Variants in TTC34 observed in about 807,000 individuals in gnomAD.
TTC34 encodes the protein tetratricopeptide repeat protein 34.
A neutral mutation model predicts 40.7 loss-of-function variants in TTC34; 44 were observed. That is an observed-to-expected ratio of 1.08 (90% CI 0.85 to 1.39). The LOEUF is 1.39. Among genes scored for constraint, TTC34 ranks in the 40% most tolerant of loss-of-function variants. The pLI is 0.00. For missense variants in TTC34, 884 were observed against 838.0 expected (o/e 1.05, Z -0.68); for synonymous variants, 422 against 398.6 (o/e 1.06, Z -0.70).
intron 2 of TTC34, among the ~76,000 whole-genome samples, chr1:2,794,834 T>C (rs549418790): frequency 6.6e-6 from 1 of 152,350 alleles, no homozygotes; most frequent in East Asian, 1.9e-4. Context: ...TTTTTCTGAA[T>C]CTACTGCAAT....
At chr1:2,789,164 C>T (rs1329750500) in intron 3 of TTC34, among the ~76,000 whole-genome samples, 1 of 152,136 alleles carries the variant, frequency 6.6e-6, no homozygotes, top group Non-Finnish European at 1.5e-5. Context: ...CGGGGCGGTG[C>T]TGCCGGAAAC....
Position 2,752,650 on chromosome 1 carries a change from C to G in TTC34, c.2226+30959G>C, listed in dbSNP as rs1379184860. Among the ~76,000 whole-genome samples, 464 of 136,768 alleles carry G rather than the reference C, an allele frequency of 3.4e-3. 91 individuals are homozygous for G. Among genetic ancestry groups the G allele is most frequent in the African/African-American group, 0.013 (450 of 33,770 alleles). The allele number at this position is 136,768 out of a possible 152,430, so 89.7% of individuals were successfully genotyped here. A position where few individuals can be genotyped will look rare whatever the true frequency, so the allele number is the denominator to read the frequency against. ...ATCTGACACCCTGGAACTGCACACACACCCCCAGGCGAGCATCTGACAACC... is the reference window on the plus strand; with the variant it reads ...ATCTGACACCCTGGAACTGCACACAGACCCCCAGGCGAGCATCTGACAACC... On this transcript the variant is annotated intron_variant, in intron 6 of 8. Coordinates refer to ENST00000401095, the Ensembl canonical transcript of TTC34.
intron 6 of TTC34, among the ~76,000 whole-genome samples, chr1:2,756,788 C>T (rs1641521956): frequency 2.2e-5 from 3 of 139,112 alleles, no homozygotes; most frequent in Non-Finnish European, 4.7e-5. Flanking sequence ...CATCCACACC[C>T]CCAGGTGAAC....
At chr1:2,644,785 C>T (rs1570746155) in intron 7 of TTC34, among the ~76,000 whole-genome samples, 1 of 152,332 alleles carries the variant, frequency 6.6e-6, no homozygotes, top group East Asian at 1.9e-4. Flanking sequence ...ATGTGGGGAG[C>T]AGCCCTGGGG....
intron 6 of TTC34, among the ~76,000 whole-genome samples, chr1:2,694,086 C>G (rs374875379): frequency 7.1e-6 from 1 of 140,710 alleles, no homozygotes; most frequent in Non-Finnish European, 1.5e-5. Context: ...GAGCATCTGA[C>G]AGCCTGGAAC....
At chr1:2,677,617 G>T (rs1233753945) in intron 6 of TTC34, among the ~76,000 whole-genome samples, 61 of 58,852 alleles carry the variant, frequency 1.0e-3, no homozygotes, top group Non-Finnish European at 1.4e-3. Flanking sequence ...GCCCCCCCAG[G>T]TGAGCATCTG....
At chr1:2,789,439 C>G in intron 3 of TTC34, 64 bp downstream of exon 3, 2 of 1,418,850 alleles carry the variant, frequency 1.4e-6, no homozygotes, top group Non-Finnish European at 1.9e-6. Context: ...GAAACACATC[C>G]GTCGCTACCT....
intron 5 of TTC34, among the ~76,000 whole-genome samples, chr1:2,785,442 T>A (rs1043199045): frequency 6.6e-6 from 1 of 152,066 alleles, no homozygotes; most frequent in Non-Finnish European, 1.5e-5. Flanking sequence ...CAGGCGTGCA[T>A]AGGAGGAGCC....
At chr1:2,648,212 T>C (rs976743850) in intron 6 of TTC34, among the ~76,000 whole-genome samples, 21 of 152,248 alleles carry the variant, frequency 1.4e-4, no homozygotes, top group African/African-American at 5.1e-4. Flanking sequence ...TGCCTAGCAG[T>C]TCTTGGTTTT....
chr1:2,683,558 G>T (rs1378316102), intron 6 of TTC34, among the ~76,000 whole-genome samples: 1 of 143,934 alleles, frequency 6.9e-6, no homozygotes, highest in African/African-American at 2.7e-5. Context: ...CACAACCACA[G>T]GTGAGCATCC....
At chr1:2,749,526 C>G (rs1389107082) in intron 6 of TTC34, among the ~76,000 whole-genome samples, 1 of 60,262 alleles carries the variant, frequency 1.7e-5, no homozygotes, top group Non-Finnish European at 3.0e-5. Context: ...ACCCAGATTC[C>G]CAGGCAAGCA....
intron 6 of TTC34, 102 bp downstream of exon 6, chr1:2,783,507 G>A: frequency 8.3e-7 from 1 of 1,210,058 alleles, no homozygotes; most frequent in Non-Finnish European, 1.1e-6. Context: ...TCACTGCTCA[G>A]GATGGCCTAC....
chr1:2,686,697 GT>G (rs1640368074), intron 6 of TTC34, among the ~76,000 whole-genome samples: 4 of 65,702 alleles, frequency 6.1e-5, no homozygotes, highest in Admixed American at 1.6e-4. Flanking sequence ...AGGTGCGCAC[GT>G]GACAGCCTGG....
chr1:2,683,994 C>G (rs1464581582), intron 6 of TTC34, among the ~76,000 whole-genome samples: 2 of 139,350 alleles, frequency 1.4e-5, no homozygotes, highest in South Asian at 2.2e-4. Context: ...GCATCCTGCA[C>G]CCCCAGGTGA....
exon 3 of TTC34, chr1:2,789,518 G>A: frequency 2.7e-6 from 4 of 1,503,120 alleles, no homozygotes; most frequent in Non-Finnish European, 2.7e-6. Flanking sequence ...CTGCGTGGTG[G>A]GGCCGCCCGT....
intron 2 of TTC34, among the ~76,000 whole-genome samples, 163 bp from the exon 3 acceptor site, chr1:2,790,509 G>A (rs2100631019): frequency 6.6e-6 from 1 of 152,272 alleles, no homozygotes; most frequent in East Asian, 1.9e-4. Context: ...GTATGGCACC[G>A]CCAGGACACC....
At chr1:2,653,625 T>G (rs61765818) in intron 6 of TTC34, among the ~76,000 whole-genome samples, 26 of 42,318 alleles carry the variant, frequency 6.1e-4, no homozygotes, top group East Asian at 1.1e-3. Context: ...AGTGAGCATC[T>G]GACAGCCTGG....
intron 8 of TTC34, 34 bp from the exon 9 acceptor site, chr1:2,641,929 T>C (rs1039939586): frequency 3.7e-5 from 53 of 1,440,196 alleles, no homozygotes; most frequent in Non-Finnish European, 4.3e-5. Context: ...GCAGGGAGAG[T>C]GGGGTCAGCC....
intron 6 of TTC34, among the ~76,000 whole-genome samples, chr1:2,750,957 G>A (rs1466596176): frequency 4.4e-5 from 5 of 114,390 alleles, no homozygotes; most frequent in African/African-American, 1.2e-4. Flanking sequence ...GCCTGGAGCA[G>A]CACCCACACC....
Sources: allele counts gnomAD v4.1 joint callset (sites outside exome capture counted in the v4.1 genomes callset), GRCh38; gene constraint gnomAD v4.1.1; transcripts MANE v1.5; gene names NCBI Gene and HGNC (gene_info 2026-07-23, HGNC 2026-07-21).